The following STAM2 variants were observed in gnomAD, a reference collection of about 807,000 sequenced individuals.
STAM2 encodes signal transducing adaptor molecule 2, also known as signal transducing adapter molecule 2.
STAM2 carries 51 observed loss-of-function variants against 65.6 expected under a neutral mutation model. The observed-to-expected ratio is 0.78, with a 90% CI of 0.62 to 0.98. The LOEUF is 0.98. STAM2 is among the 50% of genes least tolerant of loss of function. STAM2 has a pLI of 0.00. For synonymous variants in STAM2, 198 were observed against 208.4 expected (o/e 0.95, Z 0.43); for missense variants, 584 against 617.8 (o/e 0.95, Z 0.58).
At chr2:152,128,135 C>T (rs1448148962) in intron 11 of STAM2, among the ~76,000 whole-genome samples, 5 of 152,138 alleles carry the variant, frequency 3.3e-5, no homozygotes, top group African/African-American at 1.2e-4. Context: ...AGGCCGGGCG[C>T]GGTGGCTTAT....
At chr2:152,128,445 AC>A (rs1448133629) in intron 11 of STAM2, among the ~76,000 whole-genome samples, 1 of 151,480 alleles carries the variant, frequency 6.6e-6, no homozygotes, top group African/African-American at 2.4e-5. Context: ...GTTACAAGTC[AC>A]CCAGAAAGCT....
Position 152,123,842 on chromosome 2 carries a change from T to G in STAM2, c.1273A>C (p.Ile425Leu). 6.2e-7 allele frequency: 1 copy of G among 1,614,088 alleles called. No individual in the cohort carries two copies. The highest frequency in any genetic ancestry group is 1.7e-5 in the Admixed American group (1 of 60,020). The change falls in exon 13 of 14, where the codon ATT (isoleucine) becomes CTT (leucine). Residue 425 changes from isoleucine to leucine, a missense_variant. Ile to Leu is a conservative substitution (Grantham distance 5). Coordinates refer to ENST00000263904, the MANE Select transcript of STAM2 (RefSeq NM_005843.6). ...AQSYSLGPDQ[I>L]GPLRSLPPNV... The stretch of plus-strand genomic sequence containing the variant: ...GGAGGCAGAGATCTCAGTGGACCAA[T>G]TTGATCGGGTCCTAGGCTATAGCTT...
intron 1 of STAM2, among the ~76,000 whole-genome samples, chr2:152,173,483 G>A (rs1027723639): frequency 2.0e-5 from 3 of 151,010 alleles, no homozygotes; most frequent in East Asian, 1.9e-4. Context: ...TGCAACCTCC[G>A]CCTCCCGGGT....
At chr2:152,142,061 A>C (rs543422763) in intron 7 of STAM2, among the ~76,000 whole-genome samples, 5 of 152,320 alleles carry the variant, frequency 3.3e-5, no homozygotes, top group African/African-American at 1.2e-4. Context: ...TAACTTTAGC[A>C]TGCAAGTTTG....
intron 1 of STAM2, among the ~76,000 whole-genome samples, chr2:152,156,077 T>C (rs1689537883): frequency 6.6e-6 from 1 of 152,222 alleles, no homozygotes; most frequent in South Asian, 2.1e-4. Flanking sequence ...CAACTTTTCA[T>C]GATATTTTTC....
intron 1 of STAM2, among the ~76,000 whole-genome samples, chr2:152,159,763 C>A (rs1689625539): frequency 6.6e-6 from 1 of 152,238 alleles, no homozygotes; most frequent in African/African-American, 2.4e-5. Flanking sequence ...TTTCCACGGT[C>A]TCCCTCTGAT....
intron 11 of STAM2, among the ~76,000 whole-genome samples, chr2:152,129,094 T>TA (rs1689014486): frequency 6.6e-6 from 1 of 152,198 alleles, no homozygotes. Context: ...GAAAAATGGT[T>TA]AATGGTTGAG....
chr2:152,148,970 G>C (rs17398399), intron 2 of STAM2, among the ~76,000 whole-genome samples: 1 of 152,002 alleles, frequency 6.6e-6, no homozygotes, highest in Non-Finnish European at 1.5e-5. Context: ...AGAGGTTCAA[G>C]TATAAACATG....
At chr2:152,175,319 G>C (rs1326384258) in intron 1 of STAM2, among the ~76,000 whole-genome samples, 2 of 152,180 alleles carry the variant, frequency 1.3e-5, no homozygotes, top group Admixed American at 1.3e-4. Flanking sequence ...AATCAGTCCA[G>C]TCTCCAGCGA....
At chr2:152,165,074 G>T (rs1689751692) in intron 1 of STAM2, among the ~76,000 whole-genome samples, 1 of 152,122 alleles carries the variant, frequency 6.6e-6, no homozygotes, top group Non-Finnish European at 1.5e-5. Flanking sequence ...AATTTCCATT[G>T]TAATAGGCCT....
At chr2:152,122,996 G>A (rs542500887) in intron 13 of STAM2, among the ~76,000 whole-genome samples, 10 of 151,954 alleles carry the variant, frequency 6.6e-5, no homozygotes, top group East Asian at 3.9e-4. Flanking sequence ...GCTTGAGACC[G>A]GGAGGTCAAG....
At chr2:152,156,078 G>A (rs1355060939) in intron 1 of STAM2, among the ~76,000 whole-genome samples, 1 of 152,120 alleles carries the variant, frequency 6.6e-6, no homozygotes, top group East Asian at 1.9e-4. Context: ...AACTTTTCAT[G>A]ATATTTTTCC....
At chr2:152,128,945 C>T (rs756861452) in intron 11 of STAM2, among the ~76,000 whole-genome samples, 3 of 152,286 alleles carry the variant, frequency 2.0e-5, no homozygotes, top group Non-Finnish European at 4.4e-5. Flanking sequence ...TCTTTGAATA[C>T]TTGACAAGGG....
At position 152,143,905 on chromosome 2, in the gene STAM2, GCT is replaced by G; in HGVS notation, c.624_625del (p.Arg208SerfsTer4). The G allele has an allele frequency of 6.2e-7, 1 of 1,613,736 alleles. No homozygotes were observed. The highest frequency in any genetic ancestry group is 8.5e-7 in the Non-Finnish European group (1 of 1,179,842). On this transcript the variant is annotated frameshift_variant, in exon 7 of 14. Coordinates refer to ENST00000263904, the MANE Select transcript of STAM2 (RefSeq NM_005843.6). LOFTEE classifies it high-confidence loss of function. The stretch of plus-strand genomic sequence containing the variant: ...CTCAACAGCTTCAAAATCATATAAA[GCT>G]CTCACTTTCCGTGCAACCTTATTAT...
chr2:152,170,271 G>A (rs888484573), intron 1 of STAM2, among the ~76,000 whole-genome samples: 19 of 151,496 alleles, frequency 1.3e-4, no homozygotes, highest in Non-Finnish European at 1.8e-4. Flanking sequence ...CACGAGGTCA[G>A]GAGTTCGAGA....
chr2:152,123,926 C>G lies in STAM2; in HGVS notation c.1189G>C (p.Val397Leu). The G allele has an allele frequency of 6.2e-7, 1 of 1,613,350 alleles. No homozygotes were observed. The highest frequency in any genetic ancestry group is 8.5e-7 in the Non-Finnish European group (1 of 1,179,830). ...ATATAGTTTCCACCATGTGATTGAA[C>G]TGGATATGTCTATTAATCAGAAAGA... is the stretch of plus-strand genomic sequence containing the variant. The part of the protein sequence containing the change: ...SSGVPMQTYP[V>L]QSHGGNYMGQ... The change falls in exon 13 of 14, where the codon GTT (valine) becomes CTT (leucine). Residue 397 changes from valine to leucine, a missense_variant. Val to Leu is a conservative substitution (Grantham distance 32). Transcript: ENST00000263904.
intron 1 of STAM2, among the ~76,000 whole-genome samples, chr2:152,169,650 A>G (rs1318842573): frequency 2.0e-5 from 3 of 152,226 alleles, no homozygotes; most frequent in African/African-American, 7.2e-5. Context: ...GAAGAAACAT[A>G]TGAAAAAATG....
chr2:152,135,919 A>G (rs12622092), intron 7 of STAM2, among the ~76,000 whole-genome samples: 35,263 of 151,448 alleles, frequency 0.23, 4,182 homozygotes, highest in Admixed American at 0.31. Context: ...GTGAAACCTC[A>G]TCTCTATTAA....
chr2:152,140,896 A>G (rs2105542673), intron 7 of STAM2, among the ~76,000 whole-genome samples: 1 of 152,172 alleles, frequency 6.6e-6, no homozygotes, highest in Admixed American at 6.6e-5. Context: ...GCACTGTGGG[A>G]GGCTGAGGCG....
Sources: allele counts gnomAD v4.1 joint callset (sites outside exome capture counted in the v4.1 genomes callset), GRCh38; gene constraint gnomAD v4.1.1; transcripts MANE v1.5; gene names NCBI Gene and HGNC (gene_info 2026-07-23, HGNC 2026-07-21).